The following ADGRE3 variants were observed in gnomAD, a reference collection of about 807,000 sequenced individuals.
The protein encoded by ADGRE3 is adhesion G protein-coupled receptor E3.
In ADGRE3, 88 loss-of-function variants were observed where a neutral mutation model predicts 80.1. The ratio of observed to expected loss-of-function variants is 1.10; its 90% confidence interval spans 0.93 to 1.31. ADGRE3 has a LOEUF of 1.31. Among genes scored for constraint, ADGRE3 ranks in the 40% most tolerant of loss-of-function variants. ADGRE3 has a pLI of 0.00. For synonymous variants in ADGRE3, 281 were observed against 294.8 expected, an observed-to-expected ratio of 0.95 and a Z score of 0.48; for missense variants, 715 against 776.5, an observed-to-expected ratio of 0.92 and a Z score of 0.94.
At chr19:14,613,244 C>T in the ADGRE3 span, among the ~76,000 whole-genome samples, 5 of 151,860 alleles carry the variant, frequency 3.3e-5, no homozygotes, top group African/African-American at 1.2e-4. Context: ...TTTTTTGAGA[C>T]AAGGTCTCAC....
intron 6 of ADGRE3, among the ~76,000 whole-genome samples, chr19:14,651,637 A>G (rs1357224595): frequency 6.6e-6 from 1 of 152,182 alleles, no homozygotes; most frequent in Non-Finnish European, 1.5e-5. Context: ...TCAGAAAACG[A>G]TTGTGGATGG....
chr19:14,661,512 A>ACCTT (rs1971943333), intron 4 of ADGRE3, among the ~76,000 whole-genome samples: 1 of 152,150 alleles, frequency 6.6e-6, no homozygotes, highest in Admixed American at 6.5e-5. Flanking sequence ...ATGTGGTCTC[A>ACCTT]ATCACCACCT....
chr19:14,620,452 A>G (rs1970519652), intron 15 of ADGRE3, among the ~76,000 whole-genome samples: 1 of 132,986 alleles, frequency 7.5e-6, no homozygotes, highest in Admixed American at 7.9e-5. Context: ...ATTCATGTAT[A>G]TATGAATATA....
intron 10 of ADGRE3, among the ~76,000 whole-genome samples, chr19:14,639,294 C>T (rs1353637242): frequency 2.0e-5 from 3 of 152,004 alleles, no homozygotes; most frequent in Admixed American, 2.0e-4. Flanking sequence ...ATGTGTATGT[C>T]TATGGAAACT....
intron 8 of ADGRE3, 50 bp from the exon 9 acceptor site, chr19:14,644,325 CT>C (rs745702526): frequency 0.12 from 115,430 of 944,684 alleles, 1 homozygote; most frequent in South Asian, 0.15. Flanking sequence ...TTCTTTCTTT[CT>C]TTTTTTTTTT....
rs371039028 is a variant in ADGRE3, at chr19:14,661,971, G to A, written c.347C>T (p.Thr116Ile). 1.5e-5 allele frequency: 24 copies of A among 1,613,982 alleles called. No homozygotes were observed. In the African/African-American group the frequency reaches 2.7e-4, roughly 18 times the overall value. Residue 116 changes from threonine (T) to isoleucine (I), a missense_variant, in exon 4 of 16, where the codon ACC becomes ATC. By Grantham distance (89) the Thr-to-Ile change is moderately conservative. Transcript: ENST00000253673. ...GACAAAAATGTTCTTACCCTGACAG[G>A]TGTTCTCATTGGAATTACTGAATTG... ...NEQFSNSNEN[T>I]CQDTTSSKTT...
downstream of ADGRE3, among the ~76,000 whole-genome samples, chr19:14,617,341 C>CCTCCCTCTCTCT: frequency 1.7e-5 from 1 of 57,170 alleles, no homozygotes; most frequent in Non-Finnish European, 3.7e-5. Flanking sequence ...TCCCTCCCTC[C>CCTCCCTCTCTCT]CTTTCTTTCT....
At chr19:14,669,765 C>T (rs755113117) in intron 1 of ADGRE3, among the ~76,000 whole-genome samples, 23 of 152,122 alleles carry the variant, frequency 1.5e-4, no homozygotes, top group South Asian at 2.1e-4. Context: ...GCCGGGATTA[C>T]GGGCATGAGC....
chr19:14,630,913 C>T (rs189822394), intron 13 of ADGRE3, among the ~76,000 whole-genome samples: 69 of 151,186 alleles, frequency 4.6e-4, no homozygotes, highest in African/African-American at 1.1e-3. Flanking sequence ...TTTGTTGAGA[C>T]GGAGTCTCGC....
Position 14,633,231 on chromosome 19 carries a change from C to T in ADGRE3, c.1551+5G>A. The T allele has an allele frequency of 6.2e-7, 1 of 1,611,654 alleles. No homozygotes were observed. The highest frequency in any genetic ancestry group is 1.1e-5 in the South Asian group (1 of 90,884). On this transcript the variant is annotated splice_donor_5th_base_variant and intron_variant, in intron 12 of 15. Coordinates refer to ENST00000253673, the MANE Select transcript of ADGRE3 (RefSeq NM_032571.5). ...AGTTTGGGAACATCGAAGGCACATA[C>T]TCACAGAGAAAATGGCACAGACTGG...
chr19:14,636,203 CT>C (rs756973187), intron 11 of ADGRE3, among the ~76,000 whole-genome samples: 1,070 of 42,926 alleles, frequency 0.025, 353 homozygotes, highest in Middle Eastern at 0.2. Flanking sequence ...TTCTTTCTTT[CT>C]TTTCTTTTCT....
downstream of ADGRE3, among the ~76,000 whole-genome samples, chr19:14,616,791 AAT>A (rs2075077342): frequency 1.6e-4 from 16 of 97,914 alleles, no homozygotes; most frequent in Admixed American, 2.4e-3. Context: ...TTTTTTCTAG[AAT>A]TTTTTTTTTT....
intron 2 of ADGRE3, among the ~76,000 whole-genome samples, chr19:14,665,893 TTATA>T (rs1169216350): frequency 7.8e-6 from 1 of 128,976 alleles, no homozygotes; most frequent in East Asian, 2.2e-4. Flanking sequence ...AAGATATAAA[TTATA>T]TATTTATACA....
chr19:14,620,474 TGA>T (rs1299745853), intron 15 of ADGRE3, among the ~76,000 whole-genome samples: 88 of 30,544 alleles, frequency 2.9e-3, no homozygotes, highest in East Asian at 0.017. Flanking sequence ...GAATATATTA[TGA>T]GTACATATGA....
At chr19:14,606,732 T>G in the ADGRE3 span, among the ~76,000 whole-genome samples, 1 of 151,270 alleles carries the variant, frequency 6.6e-6, no homozygotes, top group Non-Finnish European at 1.5e-5. Context: ...AGGTAGCTAC[T>G]GTGAACCCAT....
chr19:14,645,465 T>G (rs931439938), intron 8 of ADGRE3, among the ~76,000 whole-genome samples: 8 of 151,816 alleles, frequency 5.3e-5, no homozygotes, highest in Non-Finnish European at 7.4e-5. Context: ...TGGAGACCAG[T>G]TTGTCCAACA....
chr19:14,614,149 G>A (rs2075062636), downstream of ADGRE3, among the ~76,000 whole-genome samples: 2 of 152,166 alleles, frequency 1.3e-5, no homozygotes, highest in African/African-American at 4.8e-5. Context: ...ACCAAAGCCA[G>A]CTCCTGTACT....
chr19:14,606,679 C>CAA, the ADGRE3 span, among the ~76,000 whole-genome samples: 39 of 66,426 alleles, frequency 5.9e-4, no homozygotes, highest in African/African-American at 1.9e-3. Context: ...GACTCCCTCT[C>CAA]AAAAAAAAAA....
At chr19:14,639,297 T>C (rs1225827609) in intron 10 of ADGRE3, among the ~76,000 whole-genome samples, 1 of 152,214 alleles carries the variant, frequency 6.6e-6, no homozygotes, top group African/African-American at 2.4e-5. Flanking sequence ...TGTATGTCTA[T>C]GGAAACTTCA....
Sources: allele counts gnomAD v4.1 joint callset (sites outside exome capture counted in the v4.1 genomes callset), GRCh38; gene constraint gnomAD v4.1.1; transcripts MANE v1.5; gene names NCBI Gene and HGNC (gene_info 2026-07-23, HGNC 2026-07-21).